The following CADPS2 variants were observed in gnomAD, a reference collection of about 807,000 sequenced individuals.
CADPS2 encodes the protein calcium dependent secretion activator 2.
Under a neutral mutation model 172.5 loss-of-function variants are expected in CADPS2, and 93 were observed. The ratio of observed to expected loss-of-function variants is 0.54; its 90% confidence interval spans 0.46 to 0.64. The LOEUF (loss-of-function observed/expected upper bound fraction) is 0.64, where lower values mean the gene tolerates loss of function less well. CADPS2 is among the 30% of genes least tolerant of loss of function. The pLI, the probability that CADPS2 is intolerant of heterozygous loss-of-function variation, is 0.00. For synonymous variants in CADPS2, 546 were observed against 555.2 expected (o/e 0.98, Z 0.23); for missense variants, 1,420 against 1,565.9 (o/e 0.91, Z 1.57).
intron 1 of CADPS2, among the ~76,000 whole-genome samples, chr7:122,748,907 C>T (rs531035564): frequency 6.6e-6 from 1 of 152,128 alleles, no homozygotes; most frequent in Non-Finnish European, 1.5e-5. Context: ...TCAGGTATCT[C>T]AAAAAGTACA....
chr7:122,782,440 T>TCTA (rs1792972673), intron 1 of CADPS2, among the ~76,000 whole-genome samples: 1 of 152,202 alleles, frequency 6.6e-6, no homozygotes, highest in Non-Finnish European at 1.5e-5. Flanking sequence ...AAACCCCATC[T>TCTA]CTACAACAAC....
At chr7:122,878,685 A>C (rs549003856) in intron 1 of CADPS2, among the ~76,000 whole-genome samples, 4 of 139,058 alleles carry the variant, frequency 2.9e-5, no homozygotes, top group Non-Finnish European at 4.7e-5. Context: ...TAAATAAATA[A>C]ATACAAAGTT....
chr7:122,839,935 T>C (rs1369772969), intron 1 of CADPS2, among the ~76,000 whole-genome samples: 1 of 152,206 alleles, frequency 6.6e-6, no homozygotes, highest in African/African-American at 2.4e-5. Flanking sequence ...ACTGGGTGTA[T>C]ACCCAAAGGA....
At chr7:122,836,660 A>G (rs1280382651) in intron 1 of CADPS2, among the ~76,000 whole-genome samples, 2 of 152,340 alleles carry the variant, frequency 1.3e-5, no homozygotes, top group Non-Finnish European at 2.9e-5. Flanking sequence ...TTAAACCAAC[A>G]AAGATCAAAA....
At chr7:122,418,401 CT>C (rs1260184475) in intron 17 of CADPS2, among the ~76,000 whole-genome samples, 1 of 152,116 alleles carries the variant, frequency 6.6e-6, no homozygotes, top group Non-Finnish European at 1.5e-5. Flanking sequence ...TAAGAATGTG[CT>C]AAGAATGATG....
chr7:122,588,001 A>C (rs1365950119), intron 6 of CADPS2, among the ~76,000 whole-genome samples: 1 of 151,998 alleles, frequency 6.6e-6, no homozygotes, highest in Non-Finnish European at 1.5e-5. Flanking sequence ...TGGCTGCATG[A>C]ATGTCTTCTT....
At chr7:122,632,477 G>A (rs2076668433) in intron 3 of CADPS2, among the ~76,000 whole-genome samples, 2 of 152,086 alleles carry the variant, frequency 1.3e-5, no homozygotes, top group Non-Finnish European at 2.9e-5. Flanking sequence ...TTGAGCATTT[G>A]CTCATGTTTT....
intron 6 of CADPS2, among the ~76,000 whole-genome samples, chr7:122,587,800 CA>C (rs2070006687): frequency 6.6e-6 from 1 of 152,148 alleles, no homozygotes; most frequent in African/African-American, 2.4e-5. Context: ...TCATCTTCCA[CA>C]ATGGTTGAAC....
chr7:122,629,014 A>G (rs958931895), intron 4 of CADPS2, among the ~76,000 whole-genome samples: 3 of 151,968 alleles, frequency 2.0e-5, no homozygotes, highest in East Asian at 3.9e-4. Context: ...TATAAAAGTT[A>G]TCATTAAAAT....
chr7:122,534,344 T>C (rs1435723618), intron 8 of CADPS2, among the ~76,000 whole-genome samples: 1 of 152,112 alleles, frequency 6.6e-6, no homozygotes, highest in African/African-American at 2.4e-5. Flanking sequence ...ATCAAGACTA[T>C]TTCAACAATG....
chr7:122,877,394 C>T (rs1419412876), intron 1 of CADPS2, among the ~76,000 whole-genome samples: 1 of 152,100 alleles, frequency 6.6e-6, no homozygotes, highest in East Asian at 1.9e-4. Context: ...AAATACTGTT[C>T]TATTCTAAAG....
At chr7:122,801,342 T>TA (rs145435611) in intron 1 of CADPS2, among the ~76,000 whole-genome samples, 2,613 of 152,172 alleles carry the variant, frequency 0.017, 73 homozygotes, top group African/African-American at 0.059. Context: ...CAATATGTAT[T>TA]AAAAAAACTC....
chr7:122,434,417 T>C (rs193028486), intron 17 of CADPS2, among the ~76,000 whole-genome samples: 134 of 152,258 alleles, frequency 8.8e-4, no homozygotes, highest in Middle Eastern at 6.8e-3. Flanking sequence ...GCTTATAACA[T>C]TGCATACAAA....
chr7:122,411,676 TG>T (rs529435476), intron 19 of CADPS2, among the ~76,000 whole-genome samples: 161 of 152,336 alleles, frequency 1.1e-3, no homozygotes, highest in East Asian at 5.8e-4. Context: ...TTCTGTACTT[TG>T]TTGATAATCC....
intron 3 of CADPS2, among the ~76,000 whole-genome samples, chr7:122,658,787 G>T (rs2080144432): frequency 6.6e-6 from 1 of 152,110 alleles, no homozygotes; most frequent in Non-Finnish European, 1.5e-5. Flanking sequence ...TAATGTAAAT[G>T]ATGAGTTAAT....
At chr7:122,844,743 C>A (rs1366699152) in intron 1 of CADPS2, among the ~76,000 whole-genome samples, 3 of 152,050 alleles carry the variant, frequency 2.0e-5, no homozygotes, top group African/African-American at 7.2e-5. Context: ...AGATAAAGGA[C>A]AGGAAATCCA....
intron 3 of CADPS2, among the ~76,000 whole-genome samples, chr7:122,647,606 C>CT (rs2078702068): frequency 6.6e-6 from 1 of 152,138 alleles, no homozygotes; most frequent in African/African-American, 2.4e-5. Flanking sequence ...AAGCATTTAA[C>CT]TTTTTTCTAG....
chr7:122,401,882 A>T (rs1361176325), intron 20 of CADPS2, among the ~76,000 whole-genome samples: 1 of 152,024 alleles, frequency 6.6e-6, no homozygotes, highest in Non-Finnish European at 1.5e-5. Flanking sequence ...AGTTGCTAAA[A>T]TTGTGGTGCA....
chr7:122,407,728 G>C, intron 19 of CADPS2, 32 bp from the exon 20 acceptor site: 1 of 1,572,170 alleles, frequency 6.4e-7, no homozygotes, highest in Non-Finnish European at 8.6e-7. Context: ...AAGGAGAAAA[G>C]TAGATTACTT....
Sources: allele counts gnomAD v4.1 joint callset (sites outside exome capture counted in the v4.1 genomes callset), GRCh38; gene constraint gnomAD v4.1.1; transcripts MANE v1.5; gene names NCBI Gene and HGNC (gene_info 2026-07-23, HGNC 2026-07-21).